The following COL13A1 variants were observed in gnomAD, a reference collection of about 807,000 sequenced individuals.
The protein encoded by COL13A1 is collagen alpha-1(XIII) chain.
COL13A1 carries 89 observed loss-of-function variants against 130.9 expected under a neutral mutation model. The observed-to-expected ratio is 0.68, with a 90% confidence interval of 0.57 to 0.81. The LOEUF is 0.81. COL13A1 is among the 30% of genes least tolerant of loss of function. The probability of loss-of-function intolerance (pLI) is 0.00; values close to 1 mark genes in which losing one functional copy is unlikely to be tolerated. For missense variants in COL13A1, 879 were observed against 934.6 expected (o/e 0.94, Z 0.78); for synonymous variants, 402 against 341.6 (o/e 1.18, Z -1.95).
At chr10:69,889,089 G>A (rs566393721) in intron 9 of COL13A1, among the ~76,000 whole-genome samples, 1 of 152,202 alleles carries the variant, frequency 6.6e-6, no homozygotes, top group Non-Finnish European at 1.5e-5. Flanking sequence ...TTCCACTCAT[G>A]TCACGGGACC....
chr10:69,848,901 C>G (rs987229468), intron 2 of COL13A1, among the ~76,000 whole-genome samples: 6 of 152,204 alleles, frequency 3.9e-5, no homozygotes, highest in Non-Finnish European at 7.3e-5. Context: ...TAGCCAACGG[C>G]TGCAGCCTAC....
At chr10:69,836,322 G>A (rs567536247) in intron 2 of COL13A1, among the ~76,000 whole-genome samples, 11 of 152,130 alleles carry the variant, frequency 7.2e-5, no homozygotes, top group South Asian at 4.2e-4. Context: ...CTGGGAGGCC[G>A]GCCCCAATCA....
In COL13A1 at chr10:69,838,156, C is replaced by G. The variant is rs544143740; in HGVS notation, c.364+15718C>G. 1.1e-3 allele frequency among the ~76,000 whole-genome samples: 161 copies of G among 152,368 alleles called. 1 individual carries two copies. Among genetic ancestry groups the G allele is most frequent in the African/African-American group, 3.5e-3 (146 of 41,594 alleles). On this transcript the variant is annotated intron_variant, in intron 2 of 40. Transcript: ENST00000645393. ...CCCCTCCTCAAGGGGCCACAGGAGA[C>G]AGCAGCAGCCACAGCCTTGTGCCTT...
chr10:69,922,253 T>C (rs1311599440), intron 22 of COL13A1, among the ~76,000 whole-genome samples: 2 of 151,056 alleles, frequency 1.3e-5, no homozygotes, highest in African/African-American at 4.9e-5. Context: ...AAAAAAAAGA[T>C]GAGGCCAAAA....
intron 2 of COL13A1, among the ~76,000 whole-genome samples, chr10:69,824,887 C>T (rs770640300): frequency 1.1e-4 from 17 of 152,150 alleles, no homozygotes; most frequent in East Asian, 7.7e-4. Flanking sequence ...GATGCTGTTC[C>T]GGCCTTTCGT....
At chr10:69,903,498 A>G (rs1208541183) in intron 15 of COL13A1, among the ~76,000 whole-genome samples, 1 of 152,152 alleles carries the variant, frequency 6.6e-6, no homozygotes, top group African/African-American at 2.4e-5. Flanking sequence ...AGCCCTGGCT[A>G]AGACTCCACT....
chr10:69,827,363 G>A (rs1204554489), intron 2 of COL13A1, among the ~76,000 whole-genome samples: 2 of 152,176 alleles, frequency 1.3e-5, no homozygotes, highest in African/African-American at 2.4e-5. Flanking sequence ...TGATTGGGGG[G>A]CTGTGCTGAG....
At position 69,928,633 on chromosome 10, in the gene COL13A1, GA is replaced by G. The variant is rs201415631; in HGVS notation, c.1423-302del. On this transcript the variant is annotated intron_variant, in intron 27 of 40. Coordinates refer to ENST00000645393, the MANE Select transcript of COL13A1 (RefSeq NM_001368882.1). ...GAGATATTTTTAAGTCATTATTGGG[GA>G]AGGTCAGACTTAGCTTCTTGGAGCC... Among the ~76,000 whole-genome samples, 48 of 152,312 alleles carry G rather than the reference GA, an allele frequency of 3.2e-4. No homozygotes were observed. In the East Asian group the frequency reaches 9.1e-3, roughly 29 times the overall value.
chr10:69,928,894 T>A (rs1013916519), intron 27 of COL13A1, 43 bp from the exon 28 acceptor site: 1 of 1,512,168 alleles, frequency 6.6e-7, no homozygotes, highest in Middle Eastern at 1.7e-4. Flanking sequence ...GCTACCCTCC[T>A]CCATGGGACA....
chr10:69,838,258 A>G (rs3858153), intron 2 of COL13A1, among the ~76,000 whole-genome samples: 35,501 of 152,276 alleles, frequency 0.23, 4,382 homozygotes, highest in African/African-American at 0.31. Flanking sequence ...GACAGAGCCT[A>G]AGGCCGAGAG....
intron 2 of COL13A1, among the ~76,000 whole-genome samples, chr10:69,833,949 A>G (rs1317258199): frequency 1.3e-5 from 2 of 152,078 alleles, no homozygotes; most frequent in African/African-American, 2.4e-5. Flanking sequence ...GAAACCACGG[A>G]AGGTTTCTCA....
chr10:69,822,418 C>T lies in COL13A1; in HGVS notation c.344C>T (p.Pro115Leu). ...RRRREAPKTS[P>L]GCNCPPGPPG... ...CGCCGGGAGGCCCCAAAGACATCTC[C>T]AGGATGTAACTGCCCACCAGGTAAG... Residue 115 changes from proline to leucine, a missense_variant, in exon 2 of 41, where the codon CCA becomes CTA. Around this residue, in one of 3 missense-constraint regions of COL13A1, gnomAD observed 715 missense variants for 721.0 expected, o/e 0.99. Coordinates refer to ENST00000645393, the MANE Select transcript of COL13A1 (RefSeq NM_001368882.1). 1 of 1,593,910 alleles carries T rather than the reference C, an allele frequency of 6.3e-7. No homozygotes were observed. The highest frequency in any genetic ancestry group is 8.5e-7 in the Non-Finnish European group (1 of 1,170,518).
At position 69,883,150 on chromosome 10, in the gene COL13A1, T is replaced by C. The variant is rs1589277653; in HGVS notation, c.513+2597T>C. On this transcript the variant is annotated intron_variant, in intron 7 of 40. Transcript: ENST00000645393. ...CAAAGGGAGAACCCTCCAAGCACTT[T>C]GGAGGAGGGTTCACTTTCTAATGAA... Among the ~76,000 whole-genome samples, 4 of 152,278 alleles carry C rather than the reference T, an allele frequency of 2.6e-5. 2 individuals carry two copies. Among genetic ancestry groups the C allele is most frequent in the Admixed American group, 2.6e-4 (4 of 15,302 alleles).
intron 30 of COL13A1, 46 bp downstream of exon 30, chr10:69,930,598 A>C (rs764101049): frequency 1.0e-5 from 16 of 1,584,880 alleles, no homozygotes; most frequent in Admixed American, 9.1e-5. Context: ...ACCACTCCCA[A>C]GCATGACGCC....
intron 2 of COL13A1, chr10:69,824,174 C>T: frequency 2.1e-6 from 1 of 472,088 alleles, no homozygotes; most frequent in South Asian, 1.6e-5. Flanking sequence ...TAGACACCAG[C>T]AAGGTAGAGA....
chr10:69,923,346 G>A (rs944903932), intron 23 of COL13A1, among the ~76,000 whole-genome samples: 4 of 152,222 alleles, frequency 2.6e-5, no homozygotes, highest in African/African-American at 9.6e-5. Flanking sequence ...GCAATGGTAA[G>A]ATTTGGGTTC....
chr10:69,868,124 A>G (rs1341585389), intron 3 of COL13A1, among the ~76,000 whole-genome samples: 1 of 95,270 alleles, frequency 1.0e-5, no homozygotes, highest in Admixed American at 1.1e-4. Flanking sequence ...GGAGTCAAAA[A>G]AAAAAAAAAA....
chr10:69,879,776 T>C (rs1001246972), intron 6 of COL13A1, among the ~76,000 whole-genome samples: 16 of 152,174 alleles, frequency 1.1e-4, no homozygotes, highest in Non-Finnish European at 2.2e-4. Flanking sequence ...TCAGCCACCC[T>C]TGACAGCACT....
chr10:69,924,844 C>T, intron 24 of COL13A1, 119 bp from the exon 25 acceptor site: 1 of 994,144 alleles, frequency 1.0e-6, no homozygotes, highest in Non-Finnish European at 1.4e-6. Context: ...GGAACCTGCA[C>T]TTCTATGGAC....
Sources: gnomAD v4.1 joint callset for allele counts (sites outside exome capture counted in the v4.1 genomes callset) on GRCh38, gnomAD v4.1.1 for gene constraint, gnomAD v4.1.1 regional missense constraint, MANE v1.5 for transcripts, NCBI Gene and HGNC (gene_info 2026-07-23, HGNC 2026-07-21) for gene names.